The following TCF7L2 variants were observed in gnomAD, a reference collection of about 807,000 sequenced individuals.
TCF7L2 encodes the protein transcription factor 7-like 2.
In TCF7L2, 23 loss-of-function variants were observed where a neutral mutation model predicts 77.9. That is an observed-to-expected ratio of 0.30 (90% confidence interval 0.21 to 0.42). The LOEUF (loss-of-function observed/expected upper bound fraction) is 0.42, where lower values mean the gene tolerates loss of function less well. TCF7L2 is among the 10% of genes least tolerant of loss of function. The pLI, the probability that TCF7L2 is intolerant of heterozygous loss-of-function variation, is 1.00. For synonymous variants in TCF7L2, 413 were observed against 340.2 expected (o/e 1.21, Z -2.36); for missense variants, 654 against 793.1 (o/e 0.82, Z 2.11).
At chr10:112,968,293 C>G (rs1161538705) in intron 4 of TCF7L2, among the ~76,000 whole-genome samples, 3 of 152,090 alleles carry the variant, frequency 2.0e-5, no homozygotes, top group Non-Finnish European at 4.4e-5. Flanking sequence ...CAAGACCAAC[C>G]CCTTCTCTTC....
intron 4 of TCF7L2, among the ~76,000 whole-genome samples, chr10:113,021,742 G>C (rs1307167287): frequency 6.6e-6 from 1 of 152,226 alleles, no homozygotes; most frequent in Non-Finnish European, 1.5e-5. Flanking sequence ...CTCTCCACGT[G>C]TGTGTGTTCT....
intron 6 of TCF7L2, 59 bp downstream of exon 6, chr10:113,141,375 T>C (rs2136850486): frequency 6.2e-7 from 1 of 1,609,316 alleles, no homozygotes; most frequent in Non-Finnish European, 8.5e-7. Flanking sequence ...TGGGGGAACC[T>C]TTGAGGCCTC....
chr10:113,101,046 G>C (rs1211341828), intron 5 of TCF7L2, among the ~76,000 whole-genome samples: 1 of 152,050 alleles, frequency 6.6e-6, no homozygotes, highest in Non-Finnish European at 1.5e-5. Flanking sequence ...TTGCACTCCA[G>C]GCTGAGTGAC....
rs758558518 is a variant in TCF7L2 at position 113,165,558 on chromosome 10, A to G, written c.1395A>G (p.Arg465=). 7.5e-6 allele frequency: 12 copies of G among 1,608,210 alleles called. No individual in the cohort carries two copies. Among genetic ancestry groups the G allele is most frequent in the East Asian group, 4.5e-5 (2 of 44,688 alleles). Residue 465 remains arginine (R), a synonymous_variant, in exon 14 of 14, where the codon AGA becomes AGG. Transcript: ENST00000627217. Reference sequence around the variant, plus strand: ...TAACTCTCTCCCCTGTTTCTAGGAGAAAAAAAAAGTGCGTTCGCTACATAC... The same window carrying G: ...TAACTCTCTCCCCTGTTTCTAGGAGGAAAAAAAAGTGCGTTCGCTACATAC...
At chr10:113,068,171 G>C (rs943982498) in intron 5 of TCF7L2, among the ~76,000 whole-genome samples, 1 of 152,180 alleles carries the variant, frequency 6.6e-6, no homozygotes, top group African/African-American at 2.4e-5. Flanking sequence ...AAACACTCTA[G>C]ATATAACTCT....
chr10:113,008,467 C>T (rs1378027289), intron 4 of TCF7L2, among the ~76,000 whole-genome samples: 1 of 152,154 alleles, frequency 6.6e-6, no homozygotes, highest in East Asian at 1.9e-4. Flanking sequence ...CCAGAATTCC[C>T]CTTGGATTCT....
chr10:113,075,722 G>T (rs1164546446), intron 5 of TCF7L2, among the ~76,000 whole-genome samples: 1 of 152,214 alleles, frequency 6.6e-6, no homozygotes, highest in Non-Finnish European at 1.5e-5. Flanking sequence ...CTGTGGTGCA[G>T]CATGGGTTTA....
intron 4 of TCF7L2, among the ~76,000 whole-genome samples, chr10:112,976,348 CT>C (rs1437499489): frequency 6.6e-6 from 1 of 152,238 alleles, no homozygotes; most frequent in African/African-American, 2.4e-5. Context: ...ATAACTTGGA[CT>C]ATCTTTGCTG....
At chr10:112,977,457 C>T (rs946425662) in intron 4 of TCF7L2, among the ~76,000 whole-genome samples, 1 of 152,190 alleles carries the variant, frequency 6.6e-6, no homozygotes, top group Non-Finnish European at 1.5e-5. Flanking sequence ...TGGGAGCAGA[C>T]ATTGACATAC....
chr10:113,094,726 TC>T (rs1178035164), intron 5 of TCF7L2, among the ~76,000 whole-genome samples: 17 of 152,224 alleles, frequency 1.1e-4, no homozygotes. Flanking sequence ...AGAAACACTT[TC>T]CTATATATGC....
At position 112,971,121 on chromosome 10, in the gene TCF7L2, G is replaced by A. The variant is rs546761638; in HGVS notation, c.450+6497G>A. ...TGCATCTAATGTGTGCCAGGCCACT[G>A]GAGAATTCATCAGTGAGCAAAACAG... On this transcript the variant is annotated intron_variant, in intron 4 of 13. Transcript: ENST00000627217. Among the ~76,000 whole-genome samples the A allele has an allele frequency of 5.3e-5, 8 of 152,288 alleles. No individual in the cohort carries two copies. The South Asian group carries it at 1.7e-3, about 32-fold the overall frequency.
chr10:113,063,201 C>T (rs761411603), intron 5 of TCF7L2, among the ~76,000 whole-genome samples: 2 of 152,136 alleles, frequency 1.3e-5, no homozygotes, highest in Non-Finnish European at 2.9e-5. Context: ...CCGCCCCACC[C>T]GATGCCTACA....
intron 5 of TCF7L2, among the ~76,000 whole-genome samples, chr10:113,085,168 C>G (rs1457035866): frequency 6.6e-6 from 1 of 151,834 alleles, no homozygotes. Context: ...CCAGGCTTAA[C>G]CAAACCTTTC....
At chr10:112,980,690 C>T (rs2040310193) in intron 4 of TCF7L2, among the ~76,000 whole-genome samples, 1 of 151,628 alleles carries the variant, frequency 6.6e-6, no homozygotes, top group South Asian at 2.1e-4. Context: ...TGCAGTGGCA[C>T]GATCTTGGCT....
chr10:113,075,003 G>GTATT (rs35726298), intron 5 of TCF7L2, among the ~76,000 whole-genome samples: 4,007 of 152,184 alleles, frequency 0.026, 194 homozygotes, highest in African/African-American at 0.09. Flanking sequence ...ATATAGGAAA[G>GTATT]TATTTATTTA....
chr10:113,108,640 T>G (rs771113386), intron 5 of TCF7L2, among the ~76,000 whole-genome samples: 4 of 152,188 alleles, frequency 2.6e-5, no homozygotes, highest in Non-Finnish European at 5.9e-5. Flanking sequence ...CAGCCTAGGC[T>G]GGCAGCACCG....
At chr10:113,047,152 C>G (rs893962947) in intron 5 of TCF7L2, among the ~76,000 whole-genome samples, 4 of 151,928 alleles carry the variant, frequency 2.6e-5, no homozygotes, top group Non-Finnish European at 5.9e-5. Context: ...AATCTTTGTC[C>G]CCTCGCCCCC....
intron 5 of TCF7L2, among the ~76,000 whole-genome samples, chr10:113,122,136 G>A (rs945641689): frequency 6.6e-6 from 1 of 152,130 alleles, no homozygotes; most frequent in African/African-American, 2.4e-5. Context: ...TTCTTCTCCT[G>A]AAGTATCAAG....
rs1555163431 is a variant in TCF7L2, at chr10:113,166,466, T to TTC, written c.*494_*495insTC. The TTC allele has an allele frequency of 4.5e-6, 1 of 221,268 alleles. No homozygotes were observed. Among genetic ancestry groups the TTC allele is most frequent in the African/African-American group, 2.3e-5 (1 of 44,412 alleles). 13.7% of individuals were successfully genotyped at this position (221,268 alleles called of 1,614,324 possible). On this transcript the variant is annotated 3_prime_UTR_variant, in exon 14 of 14. Transcript: ENST00000627217. ...AGTGCCGTTACTTTTTTTTTTTTTT[T>TTC]CTGTGTGAAACAACTCTTATTGTGA...
Sources: allele counts gnomAD v4.1 joint callset (sites outside exome capture counted in the v4.1 genomes callset), GRCh38; gene constraint gnomAD v4.1.1; transcripts MANE v1.5; gene names NCBI Gene and HGNC (gene_info 2026-07-23, HGNC 2026-07-21).